POLR1E: variants seen among roughly 807,000 people sequenced by gnomAD.
The protein encoded by POLR1E is RNA polymerase I subunit E.
Under a neutral mutation model 50.9 loss-of-function variants are expected in POLR1E, and 37 were observed. The observed-to-expected ratio is 0.73, with a 90% confidence interval of 0.56 to 0.96. The LOEUF is 0.96. POLR1E is among the 40% of genes least tolerant of loss of function. The probability of loss-of-function intolerance (pLI) is 0.00; values close to 1 mark genes in which losing one functional copy is unlikely to be tolerated. For synonymous variants in POLR1E, 166 were observed against 191.6 expected, an observed-to-expected ratio of 0.87 and a Z score of 1.10; for missense variants, 426 against 518.1, an observed-to-expected ratio of 0.82 and a Z score of 1.73.
intron 1 of POLR1E, 177 bp downstream of exon 1, chr9:37,486,300 T>C: frequency 3.1e-6 from 4 of 1,292,116 alleles, no homozygotes; most frequent in Non-Finnish European, 4.2e-6. Context: ...TGTCACTACC[T>C]CCCAGCCAGA....
chr9:37,490,341 G>A (rs1027042281), intron 4 of POLR1E: 2 of 507,940 alleles, frequency 3.9e-6, no homozygotes, highest in South Asian at 2.5e-5. Context: ...ATATTTCTTT[G>A]GGGGAGAGAA....
chr9:37,490,586 C>G (rs1179620108), intron 4 of POLR1E: 3 of 713,780 alleles, frequency 4.2e-6, no homozygotes, highest in Non-Finnish European at 7.7e-6. Context: ...TCACCCGTTT[C>G]ATGAAGCTTT....
intron 6 of POLR1E, 54 bp downstream of exon 6, chr9:37,493,757 C>T: frequency 7.2e-7 from 1 of 1,398,520 alleles, no homozygotes; most frequent in Admixed American, 2.5e-5. Flanking sequence ...GCTTTCTCTT[C>T]TCTTGAGATC....
chr9:37,502,811 A>G (rs575941226), intron 11 of POLR1E, among the ~76,000 whole-genome samples: 1 of 152,304 alleles, frequency 6.6e-6, no homozygotes, highest in East Asian at 1.9e-4. Context: ...CTGGTTTTTC[A>G]TCACCCATAT....
chr9:37,503,117 A>C lies in POLR1E; in HGVS notation c.1175A>C (p.Glu392Ala), dbSNP rs1453718079. Residue 392 changes from glutamate to alanine, a missense_variant, in exon 12 of 12, where the codon GAA (glutamate) becomes GCA (alanine). Transcript: ENST00000377798. ...RRVSVAAGSE[E>A]DHKLGTLSLP... ...GTGTCTGTGGCCGCCGGCAGTGAAGAAGATCACAAGCTGGGCACCCTGTCC... is the reference window on the plus strand; with the variant it reads ...GTGTCTGTGGCCGCCGGCAGTGAAGCAGATCACAAGCTGGGCACCCTGTCC... 1.2e-6 allele frequency: 2 copies of C among 1,614,048 alleles called. No individual in the cohort carries two copies. Among genetic ancestry groups the C allele is most frequent in the Non-Finnish European group, 1.7e-6 (2 of 1,179,996 alleles).
rs74900685 is a variant in POLR1E, at chr9:37,495,429, G to A, written c.655+153G>A. On this transcript the variant is annotated intron_variant, in intron 7 of 11. Transcript: ENST00000377798. Reference sequence around the variant, plus strand: ...AGTTGCTCAGTGCTCTTGCCAGGAGGTTAACTTGGCTTCCTCACTAGCTGA... The same window carrying A: ...AGTTGCTCAGTGCTCTTGCCAGGAGATTAACTTGGCTTCCTCACTAGCTGA... Among the ~76,000 whole-genome samples the A allele has an allele frequency of 4.0e-3, 595 of 149,740 alleles. 8 individuals carry two copies. The highest frequency in any genetic ancestry group is 0.014 in the African/African-American group (550 of 39,056).
At chr9:37,489,584 T>G (rs1386952547) in intron 4 of POLR1E, among the ~76,000 whole-genome samples, 184 bp downstream of exon 4, 3 of 151,754 alleles carry the variant, frequency 2.0e-5, no homozygotes, top group Non-Finnish European at 4.4e-5. Context: ...TTGTTTTTTG[T>G]TTTTTTTGAG....
chr9:37,487,612 C>T (rs1820602999), intron 2 of POLR1E, among the ~76,000 whole-genome samples: 1 of 152,142 alleles, frequency 6.6e-6, no homozygotes, highest in Non-Finnish European at 1.5e-5. Context: ...AGAATTCCCC[C>T]AAGAGCTTTT....
At position 37,503,419 on chromosome 9, in the gene POLR1E, G is replaced by GAA. The variant is rs60990519; in HGVS notation, c.*226_*227dup. 11 of 375,290 alleles carry GAA rather than the reference G, an allele frequency of 2.9e-5. No individual in the cohort carries two copies. Among genetic ancestry groups the GAA allele is most frequent in the South Asian group, 7.0e-5 (1 of 14,202 alleles). The allele number at this position is 375,290 out of a possible 1,614,324, so 23.2% of individuals were successfully genotyped here. On this transcript the variant is annotated 3_prime_UTR_variant, in exon 12 of 12. Transcript: ENST00000377798. ...TAGGGAGACCCCATCTCTACCGGAGGAAAAAAAAAAGAGTCAGGCCTGGTG... is the reference window on the plus strand; with the variant it reads ...TAGGGAGACCCCATCTCTACCGGAGGAAAAAAAAAAAAGAGTCAGGCCTGGTG...
intron 9 of POLR1E, among the ~76,000 whole-genome samples, chr9:37,499,573 C>A (rs1820842154): frequency 6.6e-6 from 1 of 152,004 alleles, no homozygotes; most frequent in Admixed American, 6.6e-5. Flanking sequence ...GCTCTGTCAC[C>A]CAGACTGGAG....
At chr9:37,491,311 T>TA (rs1192379793) in intron 4 of POLR1E, among the ~76,000 whole-genome samples, 3 of 152,320 alleles carry the variant, frequency 2.0e-5, no homozygotes, top group Non-Finnish European at 4.4e-5. Flanking sequence ...ATCTGCCTGA[T>TA]ACCTCAGAGG....
chr9:37,496,465 T>C (rs939091053), intron 8 of POLR1E, among the ~76,000 whole-genome samples: 5 of 152,124 alleles, frequency 3.3e-5, no homozygotes, highest in Non-Finnish European at 7.3e-5. Flanking sequence ...TTAAAACAGC[T>C]TCTTTTATGA....
intron 8 of POLR1E, among the ~76,000 whole-genome samples, chr9:37,496,623 C>CTTTT (rs376455174): frequency 1.8e-4 from 20 of 112,496 alleles, no homozygotes; most frequent in South Asian, 5.8e-4. Flanking sequence ...ATTATTATTT[C>CTTTT]TTTTTTTTTT....
intron 2 of POLR1E, 50 bp from the exon 3 acceptor site, chr9:37,487,813 A>C: frequency 6.5e-7 from 1 of 1,535,048 alleles, no homozygotes; most frequent in South Asian, 1.1e-5. Flanking sequence ...ATGATGCTTA[A>C]TACCTTTCAA....
intron 2 of POLR1E, among the ~76,000 whole-genome samples, chr9:37,487,352 G>A (rs1351437094): frequency 1.3e-5 from 2 of 152,232 alleles, no homozygotes; most frequent in East Asian, 3.8e-4. Context: ...CTTCCTTGGT[G>A]AGGTCATGTT....
intron 3 of POLR1E, 47 bp downstream of exon 3, chr9:37,487,986 T>C (rs773887596): frequency 1.3e-6 from 2 of 1,583,530 alleles, no homozygotes; most frequent in Admixed American, 1.7e-5. Flanking sequence ...GGGTTGGGAG[T>C]GGTGGCAGCA....
chr9:37,500,116 T>C (rs10814570), intron 9 of POLR1E, among the ~76,000 whole-genome samples: 42,191 of 151,442 alleles, frequency 0.28, 6,465 homozygotes, highest in African/African-American at 0.4. Context: ...CCTAAAGTGC[T>C]GGGGTTACAA....
At chr9:37,489,480 A>AAATC in intron 4 of POLR1E, 80 bp downstream of exon 4, 2 of 885,792 alleles carry the variant, frequency 2.3e-6, no homozygotes, top group Non-Finnish European at 3.5e-6. Flanking sequence ...TTTTAGATTT[A>AAATC]TAAAACACAT....
Position 37,498,153 on chromosome 9 carries a change from G to T in POLR1E, c.815G>T (p.Arg272Leu), listed in dbSNP as rs556475002. 13 of 1,613,902 alleles carry T rather than the reference G, an allele frequency of 8.1e-6. No homozygotes were observed. Among genetic ancestry groups the T allele is most frequent in the Non-Finnish European group, 1.1e-5 (13 of 1,179,834 alleles). The change falls in exon 9 of 12, where the codon CGC (arginine) becomes CTC (leucine). Residue 272 changes from arginine (R) to leucine (L), a missense_variant. Coordinates refer to ENST00000377798, the MANE Select transcript of POLR1E (RefSeq NM_022490.4). The stretch of plus-strand genomic sequence containing the variant: ...CCATCAGATGTGGAGAGCCGAGACC[G>T]CCAGGCCCGATGCATATGGTTTCTG... The part of the protein sequence containing the change: ...SLPSDVESRD[R>L]QARCIWFLDT...
Sources: gnomAD v4.1 joint callset for allele counts (sites outside exome capture counted in the v4.1 genomes callset) on GRCh38, gnomAD v4.1.1 for gene constraint, MANE v1.5 for transcripts, NCBI Gene and HGNC (gene_info 2026-07-23, HGNC 2026-07-21) for gene names.